Variants in STPG2 observed in about 807,000 individuals in gnomAD.
STPG2 encodes sperm tail PG-rich repeat containing 2.
STPG2 carries 56 observed loss-of-function variants against 54.2 expected under a neutral mutation model. The observed-to-expected ratio is 1.03, with a 90% CI of 0.83 to 1.29. STPG2 has a LOEUF of 1.29. Ranked by LOEUF, STPG2 falls within the 50% of genes most tolerant of loss-of-function variation. STPG2 has a pLI of 0.00. For missense variants in STPG2, 596 were observed against 544.9 expected, an observed-to-expected ratio of 1.09 and a Z score of -0.93; for synonymous variants, 200 against 181.8, an observed-to-expected ratio of 1.10 and a Z score of -0.81.
intron 10 of STPG2, among the ~76,000 whole-genome samples, chr4:97,636,038 A>C (rs1326003258): frequency 6.6e-6 from 1 of 152,014 alleles, no homozygotes; most frequent in Non-Finnish European, 1.5e-5. Flanking sequence ...CAGAATATAC[A>C]TTTTTTTCAG....
intron 9 of STPG2, among the ~76,000 whole-genome samples, chr4:97,740,691 C>T (rs1007329396): frequency 2.0e-5 from 3 of 152,022 alleles, no homozygotes; most frequent in Admixed American, 6.6e-5. Context: ...AACTACAAAC[C>T]ACTGCTCAAG....
At chr4:97,778,018 C>T (rs916815217) in intron 9 of STPG2, among the ~76,000 whole-genome samples, 3 of 152,110 alleles carry the variant, frequency 2.0e-5, no homozygotes, top group Non-Finnish European at 2.9e-5. Flanking sequence ...TCTGCATTTC[C>T]AAATGAGGTA....
chr4:97,997,011 T>C (rs1735262509), intron 5 of STPG2, among the ~76,000 whole-genome samples: 1 of 152,228 alleles, frequency 6.6e-6, no homozygotes, highest in Admixed American at 6.5e-5. Flanking sequence ...AGTTCAGCCA[T>C]TGCTGGAAAG....
chr4:98,063,767 C>T (rs1737737836), intron 5 of STPG2, among the ~76,000 whole-genome samples: 1 of 151,896 alleles, frequency 6.6e-6, no homozygotes, highest in Non-Finnish European at 1.5e-5. Context: ...AGCCCAGGAA[C>T]AGTGGTTCAC....
At chr4:97,456,901 A>AAAAAG (rs1729539594) in intron 4 of STPG2, among the ~76,000 whole-genome samples, 1 of 150,552 alleles carries the variant, frequency 6.6e-6, no homozygotes, top group Non-Finnish European at 1.5e-5. Flanking sequence ...CAAAAAAAAA[A>AAAAAG]AAAAGAAAAT....
intron 5 of STPG2, among the ~76,000 whole-genome samples, chr4:98,100,397 G>A (rs1738991061): frequency 6.6e-6 from 1 of 151,996 alleles, no homozygotes; most frequent in South Asian, 2.1e-4. Flanking sequence ...CATAAGTTCA[G>A]ACAAAAACAC....
At chr4:97,982,589 G>C (rs551563209) in intron 5 of STPG2, among the ~76,000 whole-genome samples, 1 of 152,178 alleles carries the variant, frequency 6.6e-6, no homozygotes, top group South Asian at 2.1e-4. Context: ...TTCGTCGGCT[G>C]ATCTAATAAG....
In STPG2 at chr4:98,093,072, T is replaced by C. The variant is rs529811873; in HGVS notation, c.612+12881A>G. On this transcript the variant is annotated intron_variant, in intron 5 of 10. Transcript: ENST00000295268. Reference sequence around the variant, plus strand: ...TGAAACTGTACTCAGTTATTTGACCTAATACAAAGCTAACACAGCAACTTC... The same window carrying C: ...TGAAACTGTACTCAGTTATTTGACCCAATACAAAGCTAACACAGCAACTTC... Among the ~76,000 whole-genome samples, 30 of 152,304 alleles carry C rather than the reference T, an allele frequency of 2.0e-4. 1 individual carries two copies. Among genetic ancestry groups the C allele is most frequent in the Admixed American group, 2.0e-3 (30 of 15,292 alleles).
In STPG2 at chr4:97,486,860, AACACACAC is replaced by A. The variant is rs772458069; in HGVS notation, c.462+225831_462+225838del. On this transcript the variant is annotated intron_variant, in intron 4 of 4. Coordinates refer to the STPG2 transcript ENST00000522676. ...ATATATATATATATGTATGTATACA[AACACACAC>A]ACACACACACACACACACACACACA... Among the ~76,000 whole-genome samples the A allele has an allele frequency of 8.2e-3, 1,026 of 125,610 alleles. 10 individuals carry two copies. The highest frequency in any genetic ancestry group is 0.03 in the African/African-American group (972 of 32,906). The allele number at this position is 125,610 out of a possible 152,430, so 82.4% of individuals were successfully genotyped here.
intron 5 of STPG2, among the ~76,000 whole-genome samples, chr4:97,989,428 T>A (rs1019226573): frequency 1.3e-5 from 2 of 152,168 alleles, no homozygotes; most frequent in Non-Finnish European, 2.9e-5. Context: ...TGAAACCCTA[T>A]ATACACTATG....
chr4:97,557,006 C>A (rs988701421), downstream of STPG2, among the ~76,000 whole-genome samples: 4 of 152,092 alleles, frequency 2.6e-5, no homozygotes, highest in African/African-American at 4.8e-5. Flanking sequence ...CAAGGTGAAA[C>A]CCTGTCTCTA....
chr4:97,540,499 A>C (rs1731668844), intron 4 of STPG2, among the ~76,000 whole-genome samples: 1 of 152,188 alleles, frequency 6.6e-6, no homozygotes. Flanking sequence ...TACCAACCAA[A>C]AAAAGTCCAG....
intron 8 of STPG2, among the ~76,000 whole-genome samples, chr4:97,895,024 A>G (rs770668287): frequency 6.6e-6 from 1 of 151,936 alleles, no homozygotes; most frequent in Non-Finnish European, 1.5e-5. Context: ...AAAATCACAC[A>G]GCTCAAACAG....
chr4:97,856,138 T>C (rs1729328674), intron 8 of STPG2, among the ~76,000 whole-genome samples: 1 of 152,218 alleles, frequency 6.6e-6, no homozygotes, highest in South Asian at 2.1e-4. Context: ...TAGGATTTTC[T>C]TGGCTATTTG....
At chr4:97,828,282 G>A (rs1728328519) in intron 9 of STPG2, among the ~76,000 whole-genome samples, 1 of 152,174 alleles carries the variant, frequency 6.6e-6, no homozygotes, top group African/African-American at 2.4e-5. Flanking sequence ...GGAAGTGCAA[G>A]GGGTTGAGGA....
intron 9 of STPG2, among the ~76,000 whole-genome samples, chr4:97,828,133 T>C (rs928857841): frequency 1.3e-5 from 2 of 152,166 alleles, no homozygotes; most frequent in African/African-American, 4.8e-5. Context: ...GGTCTGCAGC[T>C]CCCAGTGAGA....
intron 9 of STPG2, among the ~76,000 whole-genome samples, chr4:97,834,620 GA>G (rs1039669021): frequency 1.3e-5 from 2 of 152,076 alleles, no homozygotes; most frequent in Admixed American, 6.6e-5. Flanking sequence ...ACTGGAGAGA[GA>G]AAAAAATATG....
At chr4:97,774,301 T>C (rs975261820) in intron 9 of STPG2, among the ~76,000 whole-genome samples, 2 of 152,154 alleles carry the variant, frequency 1.3e-5, no homozygotes, top group African/African-American at 4.8e-5. Flanking sequence ...TTTCACAATG[T>C]CTGGGGTACA....
Position 97,840,950 on chromosome 4 carries a change from A to G in STPG2, c.1045-18T>C. On this transcript the variant is annotated intron_variant, in intron 8 of 10. Coordinates refer to ENST00000295268, the MANE Select transcript of STPG2 (RefSeq NM_174952.3). ...GGAATAACCTGAAAAAAAATTTAAT[A>G]GATGAGCATAAATATATCTTATACT... 1 of 1,609,580 alleles carries G rather than the reference A, an allele frequency of 6.2e-7. No homozygotes were observed. Among genetic ancestry groups the G allele is most frequent in the East Asian group, 2.2e-5 (1 of 44,768 alleles).
Sources: gnomAD v4.1 joint callset for allele counts (sites outside exome capture counted in the v4.1 genomes callset) on GRCh38, gnomAD v4.1.1 for gene constraint, MANE v1.5 for transcripts, NCBI Gene and HGNC (gene_info 2026-07-23, HGNC 2026-07-21) for gene names.